The following LLGL2 variants were observed in gnomAD, a reference collection of about 807,000 sequenced individuals.
LLGL2 encodes the protein LLGL scribble cell polarity complex component 2.
LLGL2 carries 81 observed loss-of-function variants against 123.2 expected under a neutral mutation model. The ratio of observed to expected loss-of-function variants is 0.66; its 90% CI spans 0.55 to 0.79. LLGL2 has a LOEUF of 0.79. Among genes scored for constraint, LLGL2 ranks in the 30% least tolerant of loss-of-function variants. LLGL2 has a pLI of 0.00. For synonymous variants in LLGL2, 577 were observed against 594.1 expected (o/e 0.97, Z 0.42); for missense variants, 1,273 against 1,414.6 (o/e 0.90, Z 1.61).
intron 1 of LLGL2, among the ~76,000 whole-genome samples, chr17:75,540,603 G>C (rs945514441): frequency 6.6e-6 from 1 of 152,196 alleles, no homozygotes; most frequent in South Asian, 2.1e-4. Flanking sequence ...GTGTCTGTGC[G>C]TGTCCCTGCC....
At position 75,532,395 on chromosome 17, in the gene LLGL2, C is replaced by A. The variant is rs565667408; in HGVS notation, c.-31+6570C>A. The A allele has an allele frequency of 7.9e-5, 12 of 152,094 alleles. No homozygotes were observed. In the East Asian group the frequency reaches 2.1e-3, roughly 27 times the overall value. 9.4% of individuals were successfully genotyped at this position (152,094 alleles called of 1,614,324 possible). A position where few individuals can be genotyped will look rare whatever the true frequency, so the allele number is the denominator to read the frequency against. ...GCTCCCGAGTAGCTGGGATTACAGG[C>A]GCCCGCCACCACGCCCAGCTAATTT... On this transcript the variant is annotated intron_variant, in intron 1 of 25. Coordinates refer to ENST00000392550, the MANE Select transcript of LLGL2 (RefSeq NM_001031803.2).
At chr17:75,571,353 C>T (rs551997474) in intron 17 of LLGL2, 100 of 578,994 alleles carry the variant, frequency 1.7e-4, no homozygotes, top group African/African-American at 1.6e-3. Flanking sequence ...ATCACTTAGC[C>T]TTTCAGGGCC....
chr17:75,574,270 G>A lies in LLGL2; in HGVS notation c.2953+10G>A, dbSNP rs1263799017. ...CTGCTCAGTGATGAGAGTGAGTTGG[G>A]TGGGAGAGGGTGGGGCTGGCAGGAG... On this transcript the variant is annotated intron_variant, in intron 23 of 25. Transcript: ENST00000392550. 2 of 1,529,090 alleles carry A rather than the reference G, an allele frequency of 1.3e-6. No individual in the cohort carries two copies. The highest frequency in any genetic ancestry group is 2.1e-5 in the Admixed American group (1 of 48,516). The allele number at this position is 1,529,090 out of a possible 1,614,324, so 94.7% of individuals were successfully genotyped here. A position where few individuals can be genotyped will look rare whatever the true frequency, so the allele number is the denominator to read the frequency against.
intron 18 of LLGL2, 36 bp from the exon 19 acceptor site, chr17:75,571,862 C>T (rs369946119): frequency 1.1e-5 from 17 of 1,608,414 alleles, no homozygotes; most frequent in Admixed American, 8.3e-5. Context: ...CCCTGCCACC[C>T]CCTCACCAGC....
At chr17:75,527,156 A>T (rs1419220670) in intron 1 of LLGL2, among the ~76,000 whole-genome samples, 1 of 122,008 alleles carries the variant, frequency 8.2e-6, no homozygotes, top group Non-Finnish European at 1.7e-5. Flanking sequence ...GGACAGAGTG[A>T]GACCCTGTCT....
At chr17:75,541,794 A>T (rs927309068) in intron 1 of LLGL2, among the ~76,000 whole-genome samples, 2 of 120,762 alleles carry the variant, frequency 1.7e-5, no homozygotes, top group African/African-American at 6.5e-5. Flanking sequence ...CAATGGCCTG[A>T]TCTTGGCTCA....
At chr17:75,546,533 T>G (rs1041292569) in intron 2 of LLGL2, among the ~76,000 whole-genome samples, 2 of 151,728 alleles carry the variant, frequency 1.3e-5, no homozygotes, top group East Asian at 3.9e-4. Flanking sequence ...TGAGGTTGAG[T>G]TGGGGGAGCC....
chr17:75,569,377 G>T, intron 14 of LLGL2, 52 bp downstream of exon 14: 1 of 1,406,212 alleles, frequency 7.1e-7, no homozygotes, highest in East Asian at 2.3e-5. Flanking sequence ...TCGATGACTG[G>T]GGACAGCAGG....
rs371201693 is a variant in LLGL2, at chr17:75,562,998, G to A, written c.531-18G>A. ...CTGGTGGACGGCATCGGAGGCTCACGGCACTCCCCTCGCCCAGGTTGCCAG... is the reference window on the plus strand; with the variant it reads ...CTGGTGGACGGCATCGGAGGCTCACAGCACTCCCCTCGCCCAGGTTGCCAG... On this transcript the variant is annotated intron_variant, in intron 6 of 25. Transcript: ENST00000392550. The A allele has an allele frequency of 3.0e-4, 489 of 1,609,320 alleles. 4 individuals carry two copies. The South Asian group carries it at 4.3e-3, about 14-fold the overall frequency.
intron 10 of LLGL2, among the ~76,000 whole-genome samples, chr17:75,565,184 G>A (rs2147477196): frequency 6.6e-6 from 1 of 152,368 alleles, no homozygotes; most frequent in South Asian, 2.1e-4. Context: ...GGCAGAAGGT[G>A]GCTGTGCAGC....
At chr17:75,563,855 G>T in intron 9 of LLGL2, 49 bp downstream of exon 9, 2 of 1,585,460 alleles carry the variant, frequency 1.3e-6, no homozygotes, top group Non-Finnish European at 1.7e-6. Context: ...TTCCTGGAGG[G>T]CTAGAAAGGT....
At chr17:75,560,640 C>T (rs1322722720) in intron 6 of LLGL2, among the ~76,000 whole-genome samples, 1 of 146,238 alleles carries the variant, frequency 6.8e-6, no homozygotes, top group Non-Finnish European at 1.5e-5. Context: ...GCATGCGCTA[C>T]CACACCCAGC....
chr17:75,525,672 A>T (rs1353247265), upstream of LLGL2: 1 of 150,226 alleles, frequency 6.7e-6, no homozygotes, highest in Admixed American at 6.6e-5. This position sits in a 1 kb window ranked among gnomAD's most constrained non-coding sequence, Gnocchi z 4.8. Flanking sequence ...TTATGTAAAT[A>T]GCGCGGCTCC....
chr17:75,543,182 C>T (rs893189363), intron 1 of LLGL2: 3 of 343,236 alleles, frequency 8.7e-6, no homozygotes, highest in Admixed American at 4.8e-5. Context: ...TATAAGGCCA[C>T]AGGTGGTGAC....
chr17:75,547,360 A>G (rs1180184893), intron 2 of LLGL2, among the ~76,000 whole-genome samples: 1 of 152,236 alleles, frequency 6.6e-6, no homozygotes, highest in East Asian at 1.9e-4. Context: ...TTGCAGCCAC[A>G]TGACCTGGGT....
intron 3 of LLGL2, among the ~76,000 whole-genome samples, chr17:75,557,285 G>A (rs1287307919): frequency 1.3e-5 from 2 of 152,158 alleles, no homozygotes; most frequent in Admixed American, 1.3e-4. Context: ...GGAGAGCAGG[G>A]CTCGGCAGCT....
At chr17:75,567,987 G>C in intron 10 of LLGL2, 1 of 786,820 alleles carries the variant, frequency 1.3e-6, no homozygotes, top group Non-Finnish European at 1.5e-6. Flanking sequence ...TAATCATCCA[G>C]CGCACATTTA....
Position 75,570,193 on chromosome 17 carries a change from C to G in LLGL2, c.1812C>G (p.Ala604=), listed in dbSNP as rs766813614. 4 of 1,589,414 alleles carry G rather than the reference C, an allele frequency of 2.5e-6. No individual in the cohort carries two copies. In the South Asian group the frequency reaches 4.5e-5, roughly 18 times the overall value. The change falls in exon 15 of 26, where the codon GCC becomes GCG. Residue 604 remains alanine (A), a synonymous_variant. Coordinates refer to ENST00000392550, the MANE Select transcript of LLGL2 (RefSeq NM_001031803.2). Reference sequence around the variant, plus strand: ...TGCACTCTGAGTGGCGGCTCGTGGCCTTCGGCACCAGCCATGGCTTTGGCC... The same window carrying G: ...TGCACTCTGAGTGGCGGCTCGTGGCGTTCGGCACCAGCCATGGCTTTGGCC... ...LALHSEWRLV[A]FGTSHGFGLF...
chr17:75,559,789 C>T lies in LLGL2; in HGVS notation c.530+379C>T, dbSNP rs191588690. Among the ~76,000 whole-genome samples the T allele has an allele frequency of 3.9e-5, 6 of 152,126 alleles. No homozygotes were observed. Among genetic ancestry groups the T allele is most frequent in the Admixed American group, 6.5e-5 (1 of 15,278 alleles). On this transcript the variant is annotated intron_variant, in intron 6 of 25. Transcript: ENST00000392550. The surrounding 1 kb of genome is among the most constrained non-coding windows in gnomAD (Gnocchi z 4.6). ...GGGCAGCTCCTGGTGCCACCCTTTGCGGTGGGTACTTTGCTGAGGTTCCAT... is the reference window on the plus strand; with the variant it reads ...GGGCAGCTCCTGGTGCCACCCTTTGTGGTGGGTACTTTGCTGAGGTTCCAT...
Sources: allele counts gnomAD v4.1 joint callset (sites outside exome capture counted in the v4.1 genomes callset), GRCh38; gene constraint gnomAD v4.1.1; non-coding constraint Gnocchi (gnomAD v3.1); transcripts MANE v1.5; gene names NCBI Gene and HGNC (gene_info 2026-07-23, HGNC 2026-07-21).